The following GRID1 variants were observed in gnomAD, a reference collection of about 807,000 sequenced individuals.
GRID1 encodes glutamate ionotropic receptor delta type subunit 1, also known as glutamate receptor ionotropic, delta-1.
In GRID1, 28 loss-of-function variants were observed where a neutral mutation model predicts 98.0. The observed-to-expected ratio is 0.29, with a 90% CI of 0.21 to 0.39. The LOEUF is 0.39. Ranked by LOEUF, GRID1 falls within the 10% of genes least tolerant of loss-of-function variation. The pLI is 1.00. For missense variants in GRID1, 1,111 were observed against 1,340.5 expected (o/e 0.83, Z 2.67); for synonymous variants, 553 against 538.5 (o/e 1.03, Z -0.37).
rs116232956 is a variant in GRID1 at position 85,667,692 on chromosome 10, A to C, written c.1998-20295T>G. Among the ~76,000 whole-genome samples, 1,266 of 152,284 alleles carry C rather than the reference A, an allele frequency of 8.3e-3. 17 individuals are homozygous for C. The highest frequency in any genetic ancestry group is 0.029 in the African/African-American group (1,207 of 41,548). ...ATGCAACAGGTCTGGCTTCTTCCCCAGTGTGCCCCCAGAACTGAGCACAGC... is the reference window on the plus strand; with the variant it reads ...ATGCAACAGGTCTGGCTTCTTCCCCCGTGTGCCCCCAGAACTGAGCACAGC... On this transcript the variant is annotated intron_variant, in intron 12 of 15. Coordinates refer to ENST00000327946, the MANE Select transcript of GRID1 (RefSeq NM_017551.3).
At chr10:85,981,987 C>T (rs1300634106) in intron 4 of GRID1, among the ~76,000 whole-genome samples, 2 of 152,084 alleles carry the variant, frequency 1.3e-5, no homozygotes, top group African/African-American at 4.8e-5. Context: ...GGAAACCAGC[C>T]ATGTGGGAAT....
chr10:86,304,658 T>C (rs80174360), intron 2 of GRID1, among the ~76,000 whole-genome samples: 1,704 of 152,358 alleles, frequency 0.011, 42 homozygotes, highest in African/African-American at 0.039. Flanking sequence ...TGCTCAGTCC[T>C]GCCATATCCA....
chr10:85,878,092 C>T (rs1013556404), intron 5 of GRID1, among the ~76,000 whole-genome samples: 2 of 152,172 alleles, frequency 1.3e-5, no homozygotes, highest in East Asian at 1.9e-4. Context: ...AAGAAAGGAA[C>T]AAAACCTCCA....
intron 4 of GRID1, among the ~76,000 whole-genome samples, chr10:85,923,402 G>C (rs963648741): frequency 2.0e-5 from 3 of 152,160 alleles, no homozygotes; most frequent in African/African-American, 7.2e-5. Context: ...GGCTGAGAGG[G>C]CTGTTTTCCT....
chr10:86,307,482 A>G (rs575336247), intron 2 of GRID1, among the ~76,000 whole-genome samples: 119 of 152,330 alleles, frequency 7.8e-4, no homozygotes, highest in African/African-American at 2.8e-3. Context: ...GTGGAAATCT[A>G]AAGAAGTAGA....
chr10:85,720,160 C>T (rs1436751436), intron 12 of GRID1, among the ~76,000 whole-genome samples: 2 of 152,154 alleles, frequency 1.3e-5, no homozygotes, highest in African/African-American at 4.8e-5. Flanking sequence ...TGGGTTCAAA[C>T]TCAGTCCACT....
intron 4 of GRID1, among the ~76,000 whole-genome samples, chr10:85,949,020 T>C (rs1206322077): frequency 6.6e-6 from 1 of 151,994 alleles, no homozygotes; most frequent in Non-Finnish European, 1.5e-5. Context: ...AGAGAAACCG[T>C]CTGGACATGA....
intron 2 of GRID1, among the ~76,000 whole-genome samples, chr10:86,294,623 G>C (rs1237655194): frequency 6.6e-6 from 1 of 152,176 alleles, no homozygotes; most frequent in Admixed American, 6.5e-5. Context: ...ACGGGGGCTG[G>C]TGTGGGCTGA....
chr10:85,860,022 C>A (rs1843150162), intron 6 of GRID1, among the ~76,000 whole-genome samples: 1 of 152,148 alleles, frequency 6.6e-6, no homozygotes, highest in Non-Finnish European at 1.5e-5. Flanking sequence ...TGCCAAGCCC[C>A]TGAGAAGGAA....
At chr10:86,187,801 T>C (rs1231892734) in intron 3 of GRID1, among the ~76,000 whole-genome samples, 2 of 152,188 alleles carry the variant, frequency 1.3e-5, no homozygotes, top group Admixed American at 1.3e-4. Flanking sequence ...GGAGGAATAA[T>C]TCAAGGAGAA....
chr10:85,723,119 G>A lies in GRID1; in HGVS notation c.1881C>T (p.Ser627=). 7 of 1,609,446 alleles carry A rather than the reference G, an allele frequency of 4.3e-6. No homozygotes were observed. Among genetic ancestry groups the A allele is most frequent in the Non-Finnish European group, 5.9e-6 (7 of 1,177,738 alleles). ...VQQGGESSVN[S]MAMRIVMGSW... ...TGCCCATCACGATGCGCATGGCCAT[G>A]GAGTTCACGGAAGATTCGCCACCTG... Residue 627 remains serine (S), a synonymous_variant, in exon 12 of 16, where the codon TCC becomes TCT. Coordinates refer to ENST00000327946, the MANE Select transcript of GRID1 (RefSeq NM_017551.3).
intron 5 of GRID1, among the ~76,000 whole-genome samples, chr10:85,904,207 C>A (rs28630767): frequency 0.045 from 6,798 of 152,092 alleles, 396 homozygotes; most frequent in African/African-American, 0.14. Context: ...TTGGATTTAC[C>A]CTCTGACCTG....
intron 4 of GRID1, among the ~76,000 whole-genome samples, chr10:85,923,333 A>G (rs887295463): frequency 1.3e-5 from 2 of 152,206 alleles, no homozygotes; most frequent in Non-Finnish European, 2.9e-5. Flanking sequence ...TAGGAAAGCC[A>G]TCTGAGAAAG....
At chr10:86,084,068 C>T (rs981528995) in intron 4 of GRID1, among the ~76,000 whole-genome samples, 1 of 152,108 alleles carries the variant, frequency 6.6e-6, no homozygotes, top group Non-Finnish European at 1.5e-5. Context: ...GTGATCAGGC[C>T]CTGGCATGGC....
intron 5 of GRID1, among the ~76,000 whole-genome samples, chr10:85,915,729 A>T (rs1841609896): frequency 6.6e-6 from 1 of 152,080 alleles, no homozygotes; most frequent in Non-Finnish European, 1.5e-5. Context: ...ACCTGGATTC[A>T]CACTCTCGCA....
intron 8 of GRID1, among the ~76,000 whole-genome samples, chr10:85,758,711 T>C (rs1688675311): frequency 6.6e-6 from 1 of 152,172 alleles, no homozygotes; most frequent in African/African-American, 2.4e-5. Context: ...TATGATTTGA[T>C]GGGGACCATC....
At chr10:85,732,393 G>A (rs901053694) in intron 8 of GRID1, among the ~76,000 whole-genome samples, 1 of 152,178 alleles carries the variant, frequency 6.6e-6, no homozygotes. Context: ...TTCCTGGTAC[G>A]GTGAAGGGGC....
rs111813841 is a variant in GRID1, at chr10:85,868,470, G to A, written c.951+540C>T. Among the ~76,000 whole-genome samples the A allele has an allele frequency of 1.1e-4, 17 of 152,306 alleles. 2 individuals are homozygous for A. Among genetic ancestry groups the A allele is most frequent in the Middle Eastern group, 3.4e-3 (1 of 294 alleles). On this transcript the variant is annotated intron_variant, in intron 6 of 15. Transcript: ENST00000327946. Reference sequence around the variant, plus strand: ...GAAACACTTGGTACCTCTGGGCCTTGGAAGGAACCATGCGGGTGGGGTTCC... The same window carrying A: ...GAAACACTTGGTACCTCTGGGCCTTAGAAGGAACCATGCGGGTGGGGTTCC...
chr10:85,892,944 G>T (rs1841226470), intron 5 of GRID1, among the ~76,000 whole-genome samples: 1 of 152,002 alleles, frequency 6.6e-6, no homozygotes. Context: ...TCTGGGCATA[G>T]ATACAAAATT....
Sources: gnomAD v4.1 joint callset for allele counts (sites outside exome capture counted in the v4.1 genomes callset) on GRCh38, gnomAD v4.1.1 for gene constraint, MANE v1.5 for transcripts, NCBI Gene and HGNC (gene_info 2026-07-23, HGNC 2026-07-21) for gene names.